The following OPCML variants were observed in gnomAD, a reference collection of about 807,000 sequenced individuals.
OPCML encodes opioid binding protein/cell adhesion molecule like, also known as opioid-binding protein/cell adhesion molecule.
OPCML carries 13 observed loss-of-function variants against 37.8 expected under a neutral mutation model. The observed-to-expected ratio is 0.34, with a 90% CI of 0.22 to 0.55. The LOEUF is 0.55. Ranked by LOEUF, OPCML falls within the 20% of genes least tolerant of loss-of-function variation. OPCML has a pLI of 0.91. For missense variants in OPCML, 341 were observed against 435.6 expected (o/e 0.78, Z 1.93); for synonymous variants, 176 against 168.8 (o/e 1.04, Z -0.33).
At chr11:132,910,207 C>G (rs755956019) in intron 2 of OPCML, among the ~76,000 whole-genome samples, 28 of 152,228 alleles carry the variant, frequency 1.8e-4, no homozygotes, top group Non-Finnish European at 3.4e-4. Flanking sequence ...GCCGCATTCC[C>G]GAATGGAGTC....
At chr11:132,481,802 C>T (rs1194407425) in intron 4 of OPCML, among the ~76,000 whole-genome samples, 1 of 150,962 alleles carries the variant, frequency 6.6e-6, no homozygotes, top group Non-Finnish European at 1.5e-5. Context: ...AACTGAACAA[C>T]CCGCTCCTGA....
At chr11:133,103,063 C>T (rs984802650) in intron 1 of OPCML, among the ~76,000 whole-genome samples, 3 of 152,184 alleles carry the variant, frequency 2.0e-5, no homozygotes, top group Admixed American at 6.5e-5. Context: ...AAAAGGGACA[C>T]AATGAAAATC....
chr11:132,833,458 C>A (rs1417367619), intron 2 of OPCML, among the ~76,000 whole-genome samples: 1 of 152,186 alleles, frequency 6.6e-6, no homozygotes, highest in Non-Finnish European at 1.5e-5. Flanking sequence ...CTTCTAGATA[C>A]CTCCTGAAGG....
chr11:133,060,227 TC>T (rs1948316684), intron 1 of OPCML, among the ~76,000 whole-genome samples: 1 of 144,790 alleles, frequency 6.9e-6, no homozygotes, highest in Admixed American at 6.9e-5. Context: ...CACCTCCTTC[TC>T]CCCATCCCCT....
chr11:133,093,987 G>A (rs778360919), intron 1 of OPCML, among the ~76,000 whole-genome samples: 5 of 152,138 alleles, frequency 3.3e-5, no homozygotes, highest in Admixed American at 1.3e-4. Flanking sequence ...CATTGTCTAT[G>A]TGGTTTATTT....
intron 1 of OPCML, among the ~76,000 whole-genome samples, chr11:133,493,231 G>T (rs1947704876): frequency 6.6e-6 from 1 of 152,246 alleles, no homozygotes; most frequent in African/African-American, 2.4e-5. Context: ...CAGGAAGCCA[G>T]CCTGCTTAAG....
At chr11:132,550,619 A>G (rs1016038199) in intron 3 of OPCML, among the ~76,000 whole-genome samples, 2 of 152,216 alleles carry the variant, frequency 1.3e-5, no homozygotes, top group African/African-American at 4.8e-5. Context: ...CTTTATAGCA[A>G]CACAAGAATG....
At chr11:132,537,275 T>C (rs1453967637) in intron 3 of OPCML, among the ~76,000 whole-genome samples, 1 of 152,170 alleles carries the variant, frequency 6.6e-6, no homozygotes, top group Non-Finnish European at 1.5e-5. Flanking sequence ...AATCCAAAAA[T>C]ATATCCACAT....
chr11:133,125,826 A>G (rs1220640419), intron 1 of OPCML, among the ~76,000 whole-genome samples: 5 of 146,600 alleles, frequency 3.4e-5, no homozygotes, highest in African/African-American at 1.0e-4. Context: ...TAGTATATAC[A>G]CATGTATATA....
At chr11:132,588,815 G>A (rs2096478720) in intron 3 of OPCML, among the ~76,000 whole-genome samples, 1 of 152,166 alleles carries the variant, frequency 6.6e-6, no homozygotes, top group Non-Finnish European at 1.5e-5. Context: ...TTCTCTTTCT[G>A]TCCGGTTCTG....
In OPCML at chr11:132,975,951, T is replaced by A. The variant is rs540712503; in HGVS notation, c.62-32941A>T. On this transcript the variant is annotated intron_variant, in intron 1 of 7. Coordinates refer to ENST00000524381, the MANE Select transcript of OPCML (RefSeq NM_001012393.5). ...ATGCCCGGCTAATTTTTTGTATTTT[T>A]AGTAGAGACGGGGTTTCACCATGTT... Among the ~76,000 whole-genome samples, 306 of 152,256 alleles carry A rather than the reference T, an allele frequency of 2.0e-3. 1 individual carries two copies. Among genetic ancestry groups the A allele is most frequent in the African/African-American group, 6.8e-3 (284 of 41,548 alleles).
At chr11:132,596,699 C>T (rs1012643334) in intron 3 of OPCML, among the ~76,000 whole-genome samples, 1 of 152,154 alleles carries the variant, frequency 6.6e-6, no homozygotes, top group Admixed American at 6.5e-5. Flanking sequence ...GGCTCCTAGT[C>T]TTGGGAAAAC....
chr11:133,207,519 G>C (rs932005277), intron 1 of OPCML, among the ~76,000 whole-genome samples: 1 of 152,118 alleles, frequency 6.6e-6, no homozygotes, highest in African/African-American at 2.4e-5. Flanking sequence ...TAGCTCTGCG[G>C]AGATCTCTGG....
In OPCML at chr11:133,242,830, C is replaced by A. The variant is rs538461335; in HGVS notation, c.61+289434G>T. Among the ~76,000 whole-genome samples, 86 of 152,094 alleles carry A rather than the reference C, an allele frequency of 5.7e-4. 1 individual carries two copies. The South Asian group carries it at 0.016, about 28-fold the overall frequency. ...ACACTAGCCGAGTGCAGCTGAGGGG[C>A]TGGCTGTTAATTTTGGAAAGGGAAT... On this transcript the variant is annotated intron_variant, in intron 1 of 7. Transcript: ENST00000524381.
At chr11:132,831,670 C>A (rs1477148004) in intron 2 of OPCML, among the ~76,000 whole-genome samples, 1 of 151,998 alleles carries the variant, frequency 6.6e-6, no homozygotes, top group Admixed American at 6.6e-5. Context: ...ACTTGACCCT[C>A]TCTCCTGACT....
At chr11:133,155,332 G>T (rs1950042980) in intron 1 of OPCML, among the ~76,000 whole-genome samples, 1 of 152,062 alleles carries the variant, frequency 6.6e-6, no homozygotes, top group African/African-American at 2.4e-5. Flanking sequence ...TGCTTCTACT[G>T]TAATATTGAA....
At chr11:132,633,993 C>T (rs925808986) in intron 3 of OPCML, among the ~76,000 whole-genome samples, 1 of 152,158 alleles carries the variant, frequency 6.6e-6, no homozygotes, top group African/African-American at 2.4e-5. Context: ...CTTGGACCAT[C>T]ACAGTCAAAA....
At chr11:132,859,886 A>G (rs1942227160) in intron 2 of OPCML, 1 of 152,230 alleles carries the variant, frequency 6.6e-6, no homozygotes, top group African/African-American at 2.4e-5. Context: ...CTACATATAT[A>G]TATGAGACCT....
chr11:133,523,417 A>G (rs534104342), intron 1 of OPCML, among the ~76,000 whole-genome samples: 2 of 152,210 alleles, frequency 1.3e-5, no homozygotes, highest in South Asian at 2.1e-4. Flanking sequence ...CTTTCCTTTA[A>G]AAGTTCCCAA....
Sources: allele counts gnomAD v4.1 joint callset (sites outside exome capture counted in the v4.1 genomes callset), GRCh38; gene constraint gnomAD v4.1.1; transcripts MANE v1.5; gene names NCBI Gene and HGNC (gene_info 2026-07-23, HGNC 2026-07-21).